Variants in DLG2 observed in about 807,000 individuals in gnomAD.
DLG2 encodes disks large homolog 2.
Under a neutral mutation model 132.5 loss-of-function variants are expected in DLG2, and 45 were observed. That is an observed-to-expected ratio of 0.34 (90% CI 0.27 to 0.44). The LOEUF (loss-of-function observed/expected upper bound fraction) is 0.44. Ranked by LOEUF, DLG2 falls within the 20% of genes least tolerant of loss-of-function variation. DLG2 has a pLI of 1.00. For synonymous variants in DLG2, 424 were observed against 419.6 expected (o/e 1.01, Z -0.13); for missense variants, 1,045 against 1,196.9 (o/e 0.87, Z 1.87).
At chr11:83,813,952 C>T (rs189254526) in intron 17 of DLG2, among the ~76,000 whole-genome samples, 3 of 151,952 alleles carry the variant, frequency 2.0e-5, no homozygotes, top group African/African-American at 4.8e-5. Flanking sequence ...AATAAATTGC[C>T]GAAATTCACA....
chr11:85,401,456 C>T (rs1177717515), intron 3 of DLG2, among the ~76,000 whole-genome samples: 4 of 152,156 alleles, frequency 2.6e-5, no homozygotes, highest in African/African-American at 9.7e-5. Context: ...TCTCACCACT[C>T]CTATTCCACA....
intron 3 of DLG2, chr11:85,452,153 T>C (rs1367319096): frequency 5.9e-5 from 9 of 152,294 alleles, no homozygotes; most frequent in African/African-American, 2.2e-4. Flanking sequence ...ATATGCTTGG[T>C]TTCCTTAAAC....
intron 7 of DLG2, among the ~76,000 whole-genome samples, chr11:84,424,575 C>T (rs764066268): frequency 2.0e-3 from 309 of 152,194 alleles, no homozygotes; most frequent in Non-Finnish European, 3.4e-3. Flanking sequence ...AAGTAACTTG[C>T]TCAAAGTTCC....
intron 6 of DLG2, among the ~76,000 whole-genome samples, chr11:84,982,527 T>C (rs758765764): frequency 3.3e-5 from 5 of 152,178 alleles, no homozygotes; most frequent in Admixed American, 6.5e-5. Flanking sequence ...CATCTCCTCA[T>C]TGATTGTCCC....
At chr11:85,154,816 A>G (rs1344992730) in intron 4 of DLG2, among the ~76,000 whole-genome samples, 165 bp from the exon 5 acceptor site, 1 of 152,218 alleles carries the variant, frequency 6.6e-6, no homozygotes, top group East Asian at 1.9e-4. Context: ...CCATTTTTAT[A>G]TTGCTCCCAA....
intron 2 of DLG2, among the ~76,000 whole-genome samples, chr11:85,624,167 A>G (rs1350762329): frequency 2.6e-5 from 4 of 152,230 alleles, no homozygotes; most frequent in Non-Finnish European, 5.9e-5. Context: ...AAGTAATGTC[A>G]TAAAGCAAAC....
chr11:84,298,449 G>A (rs2098117443), intron 7 of DLG2, among the ~76,000 whole-genome samples: 2 of 152,098 alleles, frequency 1.3e-5, no homozygotes, highest in Admixed American at 1.3e-4. Context: ...AGCCCCTTGC[G>A]ACCCCGCCTT....
chr11:84,343,321 A>G (rs2098524336), intron 7 of DLG2, among the ~76,000 whole-genome samples: 1 of 152,228 alleles, frequency 6.6e-6, no homozygotes, highest in African/African-American at 2.4e-5. Flanking sequence ...ATTAGATATT[A>G]CAAAGTTATA....
chr11:84,468,665 A>T (rs924692146), intron 7 of DLG2, among the ~76,000 whole-genome samples: 1 of 151,514 alleles, frequency 6.6e-6, no homozygotes, highest in Non-Finnish European at 1.5e-5. Flanking sequence ...CATGCTTTAG[A>T]TCTTAGCTCT....
intron 3 of DLG2, among the ~76,000 whole-genome samples, chr11:85,430,828 T>G (rs2153012425): frequency 7.8e-6 from 1 of 128,322 alleles, no homozygotes; most frequent in African/African-American, 3.0e-5. Flanking sequence ...GAGTTTTTTC[T>G]AATGGAAAAG....
chr11:84,325,973 A>C (rs151048102), intron 7 of DLG2, among the ~76,000 whole-genome samples: 1 of 152,176 alleles, frequency 6.6e-6, no homozygotes, highest in East Asian at 1.9e-4. Flanking sequence ...CAGTTTTGGA[A>C]GGTTATATGT....
chr11:85,141,550 T>A (rs1594780375), intron 5 of DLG2, among the ~76,000 whole-genome samples: 1 of 151,972 alleles, frequency 6.6e-6, no homozygotes, highest in South Asian at 2.1e-4. Context: ...GGAGAACTTT[T>A]TAGCTTGATG....
At chr11:84,172,839 G>A (rs1038173258) in intron 8 of DLG2, among the ~76,000 whole-genome samples, 1 of 152,064 alleles carries the variant, frequency 6.6e-6, no homozygotes, top group Non-Finnish European at 1.5e-5. Flanking sequence ...ACTGTGCAAG[G>A]CCCTTAAATA....
At chr11:85,358,802 T>G (rs908539384) in intron 3 of DLG2, among the ~76,000 whole-genome samples, 4 of 152,230 alleles carry the variant, frequency 2.6e-5, no homozygotes, top group Admixed American at 2.0e-4. Flanking sequence ...AGATACAACT[T>G]AAGGAGCCAT....
chr11:85,375,743 C>T (rs1330540175), intron 3 of DLG2, among the ~76,000 whole-genome samples: 8 of 152,182 alleles, frequency 5.3e-5, no homozygotes, highest in African/African-American at 1.4e-4. Context: ...ACATAACTCA[C>T]ATGGAAGCAT....
At chr11:85,350,479 T>C (rs2083201053) in intron 3 of DLG2, among the ~76,000 whole-genome samples, 1 of 152,262 alleles carries the variant, frequency 6.6e-6, no homozygotes, top group Non-Finnish European at 1.5e-5. Context: ...ATGAAGTCCT[T>C]GCCCATGCCT....
chr11:85,312,179 G>A (rs1223343102), intron 3 of DLG2, among the ~76,000 whole-genome samples: 3 of 151,718 alleles, frequency 2.0e-5, no homozygotes, highest in East Asian at 1.9e-4. Flanking sequence ...TAAGATTAGG[G>A]CTTCTTAAGA....
At chr11:83,662,002 A>C (rs188380159) in intron 18 of DLG2, among the ~76,000 whole-genome samples, 29 of 152,344 alleles carry the variant, frequency 1.9e-4, no homozygotes, top group African/African-American at 4.3e-4. Flanking sequence ...ATATACTTGG[A>C]GTGCATTTAA....
intron 15 of DLG2, among the ~76,000 whole-genome samples, chr11:83,919,401 A>C (rs1416248023): frequency 6.6e-6 from 1 of 152,196 alleles, no homozygotes; most frequent in African/African-American, 2.4e-5. Flanking sequence ...GCATTCAATA[A>C]ATACAAATCT....
Sources: gnomAD v4.1 joint callset for allele counts (sites outside exome capture counted in the v4.1 genomes callset) on GRCh38, gnomAD v4.1.1 for gene constraint, MANE v1.5 for transcripts, NCBI Gene and HGNC (gene_info 2026-07-23, HGNC 2026-07-21) for gene names.